The following TULP4 variants were observed in gnomAD, a reference collection of about 807,000 sequenced individuals.
TULP4 encodes TUB like protein 4, also known as tubby-related protein 4.
Under a neutral mutation model 129.0 loss-of-function variants are expected in TULP4, and 16 were observed. The observed-to-expected ratio is 0.12, with a 90% CI of 0.08 to 0.19. The LOEUF (loss-of-function observed/expected upper bound fraction) is 0.19. Among genes scored for constraint, TULP4 ranks in the 10% least tolerant of loss-of-function variants. The pLI is 1.00. For synonymous variants in TULP4, 998 were observed against 854.0 expected (o/e 1.17, Z -2.94); for missense variants, 1,842 against 2,059.1 (o/e 0.89, Z 2.04).
intron 1 of TULP4, among the ~76,000 whole-genome samples, chr6:158,241,663 T>C (rs1777916835): frequency 1.3e-5 from 2 of 152,170 alleles, no homozygotes; most frequent in African/African-American, 4.8e-5. Flanking sequence ...GGCGTGACCT[T>C]GGCTCACCGC....
intron 1 of TULP4, among the ~76,000 whole-genome samples, chr6:158,405,688 TG>T (rs1248615065): frequency 2.0e-5 from 3 of 152,138 alleles, no homozygotes; most frequent in Non-Finnish European, 2.9e-5. Flanking sequence ...TTTTATGCCC[TG>T]GGCTGAGATT....
intron 1 of TULP4, among the ~76,000 whole-genome samples, chr6:158,405,815 A>G: frequency 6.6e-6 from 1 of 152,222 alleles, no homozygotes; most frequent in East Asian, 1.9e-4. Context: ...ACATTATGTC[A>G]GACGTACAAG....
intron 1 of TULP4, among the ~76,000 whole-genome samples, chr6:158,366,124 C>T (rs934352464): frequency 6.6e-6 from 1 of 151,704 alleles, no homozygotes; most frequent in South Asian, 2.1e-4. Flanking sequence ...AGGATGGTCT[C>T]GATCTCCTGA....
rs527692724 is a variant in TULP4, at chr6:158,245,284, C to T, written n.68+12981C>T. On this transcript the variant is annotated intron_variant and non_coding_transcript_variant, in intron 1 of 1. Transcript: ENST00000620026. ...TGTTGGGGTTACAGGTGTGAGCCAC[C>T]GCACCCGGCCTAGACCCAATTTAGT... Among the ~76,000 whole-genome samples the T allele has an allele frequency of 4.6e-5, 7 of 152,046 alleles. No homozygotes were observed. In the South Asian group the frequency reaches 1.0e-3, roughly 23 times the overall value.
intron 1 of TULP4, among the ~76,000 whole-genome samples, chr6:158,286,158 G>A (rs528608169): frequency 6.6e-6 from 1 of 152,016 alleles, no homozygotes; most frequent in Non-Finnish European, 1.5e-5. Flanking sequence ...ATTCAATTCA[G>A]TTTTTTTTGG....
At chr6:158,465,480 C>T (rs1209919044) in intron 6 of TULP4, among the ~76,000 whole-genome samples, 1 of 152,146 alleles carries the variant, frequency 6.6e-6, no homozygotes, top group Non-Finnish European at 1.5e-5. Context: ...CTCTTTGAGA[C>T]CCTGCTTTTC....
chr6:158,423,185 A>G (rs1778393671), intron 2 of TULP4, among the ~76,000 whole-genome samples: 1 of 152,112 alleles, frequency 6.6e-6, no homozygotes. Flanking sequence ...CTACAATAAT[A>G]ACTCCTGCAA....
chr6:158,481,344 T>TA (rs1202092743), intron 8 of TULP4, 55 bp downstream of exon 8: 5 of 1,502,476 alleles, frequency 3.3e-6, no homozygotes, highest in Non-Finnish European at 4.6e-6. Context: ...CATGGGCTGT[T>TA]AACGCCTTAC....
At chr6:158,356,352 C>T (rs554939759) in intron 1 of TULP4, among the ~76,000 whole-genome samples, 3 of 152,256 alleles carry the variant, frequency 2.0e-5, no homozygotes, top group African/African-American at 7.2e-5. Context: ...GACCAGAGGA[C>T]AGTGACATGA....
At chr6:158,452,650 A>G (rs1027544902) in intron 5 of TULP4, among the ~76,000 whole-genome samples, 2 of 152,268 alleles carry the variant, frequency 1.3e-5, no homozygotes, top group African/African-American at 4.8e-5. Flanking sequence ...TCATTTACAC[A>G]GAAGCCCCTG....
chr6:158,505,655 C>T (rs187499951), intron 13 of TULP4, among the ~76,000 whole-genome samples: 119 of 152,290 alleles, frequency 7.8e-4, no homozygotes, highest in African/African-American at 2.6e-3. Context: ...TAGGGCATGG[C>T]GTCACTGTCT....
Position 158,449,167 on chromosome 6 carries a change from C to T in TULP4, c.715C>T (p.Pro239Ser). The change falls in exon 4 of 14, where the codon CCT (proline) becomes TCT (serine). Residue 239 changes from proline to serine, a missense_variant. By Grantham distance (74) the Pro-to-Ser change is moderately conservative. This residue lies in a region of TULP4 where 456 missense variants were observed against 534.3 expected (regional missense o/e 0.85). Transcript: ENST00000367097. ...CGACACGGACTCAGATGACTACGCCCCTCCCCAAGGTACTCATTGGCCCTA... is the reference window on the plus strand; with the variant it reads ...CGACACGGACTCAGATGACTACGCCTCTCCCCAAGGTACTCATTGGCCCTA... ...ESDTDSDDYA[P>S]PQDGPAAYPI... is the part of the protein sequence containing the mutation. The T allele has an allele frequency of 6.2e-7, 1 of 1,612,198 alleles. No homozygotes were observed. The highest frequency in any genetic ancestry group is 8.5e-7 in the Non-Finnish European group (1 of 1,179,114).
intron 1 of TULP4, among the ~76,000 whole-genome samples, chr6:158,385,842 C>CTGTTTTTTTTTTTT (rs1777431941): frequency 1.7e-5 from 1 of 59,576 alleles, no homozygotes; most frequent in Non-Finnish European, 3.0e-5. Context: ...TGTGGAATAT[C>CTGTTTTTTTTTTTT]TTTTTTTTTT....
chr6:158,249,089 C>CAAAA (rs3884262), intron 1 of TULP4, among the ~76,000 whole-genome samples: 16 of 106,538 alleles, frequency 1.5e-4, no homozygotes, highest in African/African-American at 5.9e-4. Context: ...GACCCTGTCT[C>CAAAA]AAAAAAAAAA....
chr6:158,288,500 T>C (rs1310022023), intron 1 of TULP4, among the ~76,000 whole-genome samples: 1 of 146,114 alleles, frequency 6.8e-6, no homozygotes, highest in Non-Finnish European at 1.5e-5. Flanking sequence ...AAAAAATGAG[T>C]GTTGAATTTT....
chr6:158,393,898 G>A (rs1015384291), intron 1 of TULP4, among the ~76,000 whole-genome samples: 5 of 152,208 alleles, frequency 3.3e-5, no homozygotes, highest in African/African-American at 1.2e-4. Flanking sequence ...TCTATAGCTG[G>A]CAGCTTGAAT....
At chr6:158,422,948 G>A in intron 2 of TULP4, among the ~76,000 whole-genome samples, 1 of 152,228 alleles carries the variant, frequency 6.6e-6, no homozygotes, top group East Asian at 1.9e-4. Context: ...GATGGACCCA[G>A]TTTCTAATGG....
At chr6:158,364,945 C>G (rs1049677872) in intron 1 of TULP4, among the ~76,000 whole-genome samples, 2 of 151,954 alleles carry the variant, frequency 1.3e-5, no homozygotes, top group African/African-American at 4.8e-5. Context: ...CCATGTTAGT[C>G]AGGATGGTCT....
intron 1 of TULP4, among the ~76,000 whole-genome samples, chr6:158,375,206 G>C (rs1246356336): frequency 6.6e-6 from 1 of 152,190 alleles, no homozygotes; most frequent in Non-Finnish European, 1.5e-5. Flanking sequence ...TCGCACCATG[G>C]CACTCCAGCC....
Sources: allele counts gnomAD v4.1 joint callset (sites outside exome capture counted in the v4.1 genomes callset), GRCh38; gene constraint gnomAD v4.1.1; regional missense constraint gnomAD v4.1.1; transcripts MANE v1.5; gene names NCBI Gene and HGNC (gene_info 2026-07-23, HGNC 2026-07-21).